GRID1: variants seen among roughly 807,000 people sequenced by gnomAD.
GRID1 encodes the protein glutamate receptor ionotropic, delta-1.
GRID1 carries 28 observed loss-of-function variants against 98.0 expected under a neutral mutation model. The observed-to-expected ratio is 0.29, with a 90% CI of 0.21 to 0.39. The LOEUF (loss-of-function observed/expected upper bound fraction) is 0.39. Among genes scored for constraint, GRID1 ranks in the 10% least tolerant of loss-of-function variants. The probability of loss-of-function intolerance (pLI) is 1.00; values close to 1 mark genes in which losing one functional copy is unlikely to be tolerated. For missense variants in GRID1, 1,111 were observed against 1,340.5 expected (o/e 0.83, Z 2.67); for synonymous variants, 553 against 538.5 (o/e 1.03, Z -0.37).
chr10:86,254,269 T>G (rs1846881542), intron 2 of GRID1, among the ~76,000 whole-genome samples: 1 of 152,228 alleles, frequency 6.6e-6, no homozygotes, highest in South Asian at 2.1e-4. Context: ...CCTCACCAAC[T>G]GAGGGAGCTA....
chr10:85,705,147 C>CA (rs1338211727), intron 12 of GRID1, among the ~76,000 whole-genome samples: 2 of 151,984 alleles, frequency 1.3e-5, no homozygotes, highest in Admixed American at 6.6e-5. Flanking sequence ...AATAGAGACA[C>CA]AAAAAACCCT....
intron 8 of GRID1, among the ~76,000 whole-genome samples, chr10:85,766,042 G>A (rs1034589270): frequency 1.6e-4 from 25 of 152,200 alleles, no homozygotes; most frequent in African/African-American, 5.3e-4. Context: ...AGGTTGTGTC[G>A]TGGCAGTACA....
intron 4 of GRID1, among the ~76,000 whole-genome samples, chr10:86,116,435 G>T (rs569852582): frequency 6.6e-6 from 1 of 152,300 alleles, no homozygotes; most frequent in Admixed American, 6.5e-5. Flanking sequence ...CACTCAGGGA[G>T]GAGCCCAGGG....
At chr10:85,670,260 C>T (rs1256342627) in intron 12 of GRID1, among the ~76,000 whole-genome samples, 1 of 152,164 alleles carries the variant, frequency 6.6e-6, no homozygotes. Flanking sequence ...TAGGAATCCA[C>T]TTGGAAAATG....
chr10:86,238,057 C>T (rs868153325), intron 2 of GRID1, among the ~76,000 whole-genome samples: 1 of 152,146 alleles, frequency 6.6e-6, no homozygotes. Context: ...ATGAGGGAAG[C>T]TGAATATAAA....
At chr10:86,182,687 C>A (rs998367782) in intron 3 of GRID1, among the ~76,000 whole-genome samples, 1 of 152,232 alleles carries the variant, frequency 6.6e-6, no homozygotes, top group African/African-American at 2.4e-5. Flanking sequence ...AAGGACTATT[C>A]GTTGAAACTG....
intron 12 of GRID1, among the ~76,000 whole-genome samples, chr10:85,698,025 G>A (rs1021041606): frequency 1.3e-5 from 2 of 152,082 alleles, no homozygotes; most frequent in African/African-American, 4.8e-5. Flanking sequence ...GCTTGATGGT[G>A]TACGGTGAGT....
intron 14 of GRID1, 55 bp from the exon 15 acceptor site, chr10:85,613,702 C>G (rs1264734209): frequency 6.4e-7 from 1 of 1,573,304 alleles, no homozygotes; most frequent in South Asian, 1.2e-5. Flanking sequence ...ACTCAGCCAC[C>G]GGGGCCCTGG....
chr10:86,217,922 C>T (rs1003067199), intron 2 of GRID1, among the ~76,000 whole-genome samples: 1 of 152,122 alleles, frequency 6.6e-6, no homozygotes, highest in Admixed American at 6.5e-5. Context: ...CAGCCCCGGG[C>T]CACCGGGCCT....
intron 2 of GRID1, among the ~76,000 whole-genome samples, chr10:86,260,534 T>C (rs758340835): frequency 3.9e-5 from 6 of 152,098 alleles, no homozygotes; most frequent in Admixed American, 6.5e-5. Context: ...CCGGTCCTCA[T>C]AGGGATGCAG....
intron 4 of GRID1, among the ~76,000 whole-genome samples, chr10:86,057,885 G>A: frequency 6.6e-6 from 1 of 152,184 alleles, no homozygotes; most frequent in Non-Finnish European, 1.5e-5. Flanking sequence ...GCCTGCTTTG[G>A]CTTACGCATG....
chr10:85,741,488 T>C (rs1312396700), intron 8 of GRID1, among the ~76,000 whole-genome samples: 1 of 152,136 alleles, frequency 6.6e-6, no homozygotes, highest in African/African-American at 2.4e-5. Context: ...AGTTTCTGCA[T>C]TTTGACAAGA....
intron 12 of GRID1, among the ~76,000 whole-genome samples, chr10:85,702,467 C>A (rs1180299823): frequency 6.6e-6 from 1 of 151,958 alleles, no homozygotes; most frequent in African/African-American, 2.4e-5. Flanking sequence ...AATCAATGTT[C>A]CTGTAAACAA....
intron 4 of GRID1, among the ~76,000 whole-genome samples, chr10:86,111,131 C>A (rs111850063): frequency 1.3e-5 from 2 of 152,148 alleles, no homozygotes; most frequent in African/African-American, 4.8e-5. Context: ...TGCCTTGGAC[C>A]AGTAGATTTT....
chr10:85,912,650 G>C (rs1319208683), intron 5 of GRID1, among the ~76,000 whole-genome samples: 1 of 152,230 alleles, frequency 6.6e-6, no homozygotes, highest in African/African-American at 2.4e-5. Context: ...GGTGGTCGGG[G>C]AGGCACAGAC....
At chr10:86,174,696 G>T (rs1754343559) in intron 3 of GRID1, among the ~76,000 whole-genome samples, 2 of 149,904 alleles carry the variant, frequency 1.3e-5, no homozygotes, top group South Asian at 4.3e-4. Flanking sequence ...CCATCAGAGT[G>T]AACAGGCAAC....
At chr10:86,336,826 C>A (rs541993352) in intron 2 of GRID1, among the ~76,000 whole-genome samples, 1 of 150,580 alleles carries the variant, frequency 6.6e-6, no homozygotes, top group East Asian at 2.0e-4. Flanking sequence ...GACCCTGAGC[C>A]CTGCTGACTG....
intron 2 of GRID1, among the ~76,000 whole-genome samples, chr10:86,358,843 G>A (rs1190081946): frequency 2.6e-5 from 4 of 151,594 alleles, no homozygotes; most frequent in African/African-American, 7.3e-5. Flanking sequence ...GAAAGAGGGA[G>A]CCAAGCAGAA....
At chr10:86,301,964 C>T (rs930758564) in intron 2 of GRID1, among the ~76,000 whole-genome samples, 1 of 152,226 alleles carries the variant, frequency 6.6e-6, no homozygotes, top group Non-Finnish European at 1.5e-5. Context: ...CAAAAATGGG[C>T]TCAGACACAG....
Sources: allele counts gnomAD v4.1 joint callset (sites outside exome capture counted in the v4.1 genomes callset), GRCh38; gene constraint gnomAD v4.1.1; transcripts MANE v1.5; gene names NCBI Gene and HGNC (gene_info 2026-07-23, HGNC 2026-07-21).